CACNA2D3: variants seen among roughly 807,000 people sequenced by gnomAD.
CACNA2D3 encodes calcium voltage-gated channel auxiliary subunit alpha2delta 3, also known as voltage-dependent calcium channel subunit alpha-2/delta-3.
CACNA2D3 carries 60 observed loss-of-function variants against 160.6 expected under a neutral mutation model. The ratio of observed to expected loss-of-function variants is 0.37; its 90% CI spans 0.30 to 0.46. The LOEUF is 0.46. CACNA2D3 is among the 20% of genes least tolerant of loss of function. The pLI is 1.00. For missense variants in CACNA2D3, 1,205 were observed against 1,365.0 expected, an observed-to-expected ratio of 0.88 and a Z score of 1.85; for synonymous variants, 558 against 492.9, an observed-to-expected ratio of 1.13 and a Z score of -1.75.
chr3:54,873,234 A>G (rs548974130), intron 18 of CACNA2D3, among the ~76,000 whole-genome samples: 1 of 152,206 alleles, frequency 6.6e-6, no homozygotes, highest in South Asian at 2.1e-4. Context: ...GCATTCTACA[A>G]GTGGTAGCCA....
At chr3:55,067,028 A>G (rs1401644716) in intron 35 of CACNA2D3, among the ~76,000 whole-genome samples, 1 of 151,490 alleles carries the variant, frequency 6.6e-6, no homozygotes, top group Non-Finnish European at 1.5e-5. Context: ...CCGAAGCACC[A>G]TGTTAATAAG....
intron 3 of CACNA2D3, chr3:54,385,972 T>TA: frequency 2.0e-6 from 1 of 504,878 alleles, no homozygotes; most frequent in South Asian, 1.5e-5. Flanking sequence ...AGGTGGGAAA[T>TA]ATCTTATTGT....
At chr3:54,513,017 A>G (rs901084331) in intron 5 of CACNA2D3, among the ~76,000 whole-genome samples, 5 of 152,150 alleles carry the variant, frequency 3.3e-5, no homozygotes, top group South Asian at 2.1e-4. Flanking sequence ...GTTATTCACT[A>G]TCATGAGAAC....
chr3:54,514,660 C>T (rs1701514843), intron 5 of CACNA2D3, among the ~76,000 whole-genome samples: 1 of 152,040 alleles, frequency 6.6e-6, no homozygotes, highest in Admixed American at 6.6e-5. Context: ...AGAGTGTATC[C>T]CACAGCAGCT....
At chr3:54,141,894 T>G (rs1699943049) in intron 2 of CACNA2D3, among the ~76,000 whole-genome samples, 1 of 152,218 alleles carries the variant, frequency 6.6e-6, no homozygotes, top group Admixed American at 6.5e-5. Flanking sequence ...ATGCCGGCTC[T>G]TGGATTAGAA....
chr3:54,300,592 G>C (rs1424902588), intron 2 of CACNA2D3, among the ~76,000 whole-genome samples: 2 of 152,078 alleles, frequency 1.3e-5, no homozygotes, highest in East Asian at 1.9e-4. Flanking sequence ...TGTTAATATG[G>C]GAAATTGATA....
intron 13 of CACNA2D3, among the ~76,000 whole-genome samples, chr3:54,812,222 C>T (rs1703336471): frequency 6.6e-6 from 1 of 152,132 alleles, no homozygotes; most frequent in African/African-American, 2.4e-5. Context: ...CATTTAACTG[C>T]TTATATCTTT....
intron 5 of CACNA2D3, among the ~76,000 whole-genome samples, chr3:54,511,000 C>G (rs1701450062): frequency 1.3e-5 from 2 of 152,218 alleles, no homozygotes; most frequent in African/African-American, 4.8e-5. Context: ...CAAACCAGCT[C>G]TGGTTTACTG....
chr3:54,694,786 C>G (rs1209817176), intron 11 of CACNA2D3, among the ~76,000 whole-genome samples: 1 of 152,090 alleles, frequency 6.6e-6, no homozygotes, highest in African/African-American at 2.4e-5. Context: ...TCTTTTGTGT[C>G]TTCTGATACC....
chr3:55,018,727 G>C (rs1703382033), intron 35 of CACNA2D3, among the ~76,000 whole-genome samples: 4 of 151,980 alleles, frequency 2.6e-5, no homozygotes, highest in Admixed American at 2.6e-4. Context: ...GGTTGAGTAT[G>C]CATTTCCCTG....
chr3:54,564,335 ATCAG>A (rs1233032560), intron 6 of CACNA2D3, among the ~76,000 whole-genome samples: 1 of 152,254 alleles, frequency 6.6e-6, no homozygotes, highest in Non-Finnish European at 1.5e-5. Context: ...CAAGGTTTTT[ATCAG>A]TCAGAACAAT....
intron 2 of CACNA2D3, among the ~76,000 whole-genome samples, chr3:54,175,194 A>G (rs146210590): frequency 9.1e-4 from 138 of 152,298 alleles, no homozygotes; most frequent in African/African-American, 3.2e-3. Context: ...TGCTTTTAAA[A>G]TGCTTTTGAA....
At chr3:54,764,139 A>C in intron 12 of CACNA2D3, 79 bp from the exon 13 acceptor site, 1 of 1,482,874 alleles carries the variant, frequency 6.7e-7, no homozygotes, top group Non-Finnish European at 9.3e-7. Flanking sequence ...AGAGGGCAAG[A>C]AGGCATGGCA....
Position 54,537,803 on chromosome 3 carries a change from AC to A in CACNA2D3, c.545-24995del, listed in dbSNP as rs895478799. Reference sequence around the variant, plus strand: ...CTGTGAGACAATGCTTGGGAAGCATACCAGCGGCTCACTCCGGACCTGAGCT... The same window carrying A: ...CTGTGAGACAATGCTTGGGAAGCATACAGCGGCTCACTCCGGACCTGAGCT... On this transcript the variant is annotated intron_variant, in intron 5 of 37. Transcript: ENST00000474759. Among the ~76,000 whole-genome samples the A allele has an allele frequency of 6.6e-5, 10 of 152,254 alleles. No homozygotes were observed. In the South Asian group the frequency reaches 1.0e-3, roughly 16 times the overall value.
rs1168778375 is a variant in CACNA2D3 at position 55,020,985 on chromosome 3, T to G, written c.2987+2668T>G. ...CTTGCACTGTCATTTGGCTTTCCTA[T>G]TAAGGTCATTTTATTGCCACAAAAT... On this transcript the variant is annotated intron_variant, in intron 35 of 37. Coordinates refer to ENST00000474759, the MANE Select transcript of CACNA2D3 (RefSeq NM_018398.3). 2.6e-5 allele frequency among the ~76,000 whole-genome samples: 4 copies of G among 152,336 alleles called. No homozygotes were observed. In the East Asian group the frequency reaches 5.8e-4, roughly 22 times the overall value.
chr3:54,252,695 T>C (rs9869714), intron 2 of CACNA2D3, among the ~76,000 whole-genome samples: 61,421 of 151,704 alleles, frequency 0.4, 12,484 homozygotes, highest in African/African-American at 0.42. Flanking sequence ...TATGATATAG[T>C]TCCCCTGCCA....
chr3:55,066,843 C>T (rs947736295), intron 35 of CACNA2D3, among the ~76,000 whole-genome samples: 1 of 152,186 alleles, frequency 6.6e-6, no homozygotes, highest in South Asian at 2.1e-4. Context: ...TTTCCCTCCT[C>T]GCCTTTTTTG....
intron 11 of CACNA2D3, among the ~76,000 whole-genome samples, chr3:54,694,916 G>C (rs1256369854): frequency 6.6e-6 from 1 of 152,166 alleles, no homozygotes; most frequent in East Asian, 1.9e-4. Flanking sequence ...GTAATTTCTA[G>C]CCTTTTTTCT....
intron 31 of CACNA2D3, among the ~76,000 whole-genome samples, chr3:55,003,324 C>T (rs570943152): frequency 3.3e-5 from 5 of 152,262 alleles, no homozygotes; most frequent in African/African-American, 9.6e-5. Flanking sequence ...GTGGGAATGC[C>T]AGACTCCTTT....
Sources: allele counts gnomAD v4.1 joint callset (sites outside exome capture counted in the v4.1 genomes callset), GRCh38; gene constraint gnomAD v4.1.1; transcripts MANE v1.5; gene names NCBI Gene and HGNC (gene_info 2026-07-23, HGNC 2026-07-21).